NUP50: variants seen among roughly 807,000 people sequenced by gnomAD.
The protein encoded by NUP50 is nuclear pore complex protein Nup50.
Under a neutral mutation model 36.8 loss-of-function variants are expected in NUP50, and 14 were observed. The ratio of observed to expected loss-of-function variants is 0.38; its 90% CI spans 0.25 to 0.59. NUP50 has a LOEUF of 0.59. Among genes scored for constraint, NUP50 ranks in the 20% least tolerant of loss-of-function variants. The pLI, the probability that NUP50 is intolerant of heterozygous loss-of-function variation, is 0.63. For missense variants in NUP50, 455 were observed against 564.6 expected (o/e 0.81, Z 1.97); for synonymous variants, 195 against 210.8 (o/e 0.93, Z 0.65).
intron 6 of NUP50, among the ~76,000 whole-genome samples, chr22:45,182,623 G>GTTTTT (rs550478534): frequency 0.024 from 2,258 of 95,830 alleles, 208 homozygotes; most frequent in African/African-American, 0.048. Context: ...CTTGAGGTTT[G>GTTTTT]TTTTTTTTTT....
rs2074454331 is a variant in NUP50 at position 45,185,434 on chromosome 22, C to T, written c.*779C>T. On this transcript the variant is annotated 3_prime_UTR_variant, in exon 8 of 8. Coordinates refer to ENST00000347635, the MANE Select transcript of NUP50 (RefSeq NM_007172.4). ...AAGCACAAATGTGGTAGCTTATCAT[C>T]TACACCATGGAGAGTGAACCCTTAC... The T allele has an allele frequency of 6.6e-6, 1 of 152,442 alleles. No individual in the cohort carries two copies. Among genetic ancestry groups the T allele is most frequent in the African/African-American group, 2.4e-5 (1 of 41,412 alleles). The allele number at this position is 152,442 out of a possible 1,614,324, so 9.4% of individuals were successfully genotyped here.
Position 45,185,683 on chromosome 22 carries a change from A to G in NUP50, c.*1028A>G, listed in dbSNP as rs1019361277. ...ACCGCAGTATATTATAATACATTTG[A>G]TATCTGAAATATCTTTACTTTTTTA... is the stretch of plus-strand genomic sequence containing the variant. On this transcript the variant is annotated 3_prime_UTR_variant, in exon 8 of 8. Transcript: ENST00000347635. The G allele has an allele frequency of 6.6e-6, 1 of 152,146 alleles. No homozygotes were observed. The highest frequency in any genetic ancestry group is 1.5e-5 in the Non-Finnish European group (1 of 68,028). The allele number at this position is 152,146 out of a possible 1,614,324, so 9.4% of individuals were successfully genotyped here.
chr22:45,170,421 A>T (rs2074171781), intron 2 of NUP50, among the ~76,000 whole-genome samples: 1 of 152,242 alleles, frequency 6.6e-6, no homozygotes, highest in Non-Finnish European at 1.5e-5. Context: ...TGACTAAGGA[A>T]ATCTGTAACC....
At chr22:45,168,898 A>ATTTTTTTTTTTTTT (rs34675932) in intron 2 of NUP50, among the ~76,000 whole-genome samples, 1 of 132,010 alleles carries the variant, frequency 7.6e-6, no homozygotes. Context: ...TATAAAAAAA[A>ATTTTTTTTTTTTTT]TTTTTTTTTT....
chr22:45,171,514 C>T (rs950863292), intron 2 of NUP50, 86 bp from the exon 3 acceptor site: 4 of 1,251,224 alleles, frequency 3.2e-6, no homozygotes, highest in Non-Finnish European at 4.7e-6. Flanking sequence ...GACACAGTGG[C>T]TCAGTTCTAG....
chr22:45,183,654 T>A, intron 7 of NUP50, 134 bp downstream of exon 7: 2 of 663,828 alleles, frequency 3.0e-6, no homozygotes, highest in Non-Finnish European at 5.5e-6. Context: ...TATTTACTTA[T>A]TTATAGTTTT....
At chr22:45,164,568 C>A (rs533886412) in intron 1 of NUP50, 99 of 126,606 alleles carry the variant, frequency 7.8e-4, no homozygotes, top group African/African-American at 2.8e-3. Context: ...GGCTAGAGGT[C>A]GGGACTCTAG....
intron 3 of NUP50, among the ~76,000 whole-genome samples, chr22:45,174,171 T>C (rs538348278): frequency 7.3e-6 from 1 of 136,128 alleles, no homozygotes; most frequent in Non-Finnish European, 1.5e-5. Flanking sequence ...GGAGCCCACA[T>C]GGGTATTTTC....
In NUP50 at chr22:45,168,714, A is replaced by G. The variant is rs144437892; in HGVS notation, c.69+468A>G. ...CTAATGCTTCTTGGAGGCCTGCTTTATTTCCTTTTCTTAATGGTAGACCTG... is the reference window on the plus strand; with the variant it reads ...CTAATGCTTCTTGGAGGCCTGCTTTGTTTCCTTTTCTTAATGGTAGACCTG... On this transcript the variant is annotated intron_variant, in intron 2 of 7. Coordinates refer to ENST00000347635, the MANE Select transcript of NUP50 (RefSeq NM_007172.4). Among the ~76,000 whole-genome samples the G allele has an allele frequency of 5.5e-3, 839 of 151,960 alleles. 4 individuals carry two copies. Among genetic ancestry groups the G allele is most frequent in the Non-Finnish European group, 8.8e-3 (597 of 67,958 alleles).
Position 45,178,816 on chromosome 22 carries a change from A to G in NUP50, c.919A>G (p.Thr307Ala), listed in dbSNP as rs985858689. Reference sequence around the variant, plus strand: ...AAACTCCAGTTTATTTGGCAAAGATACTACCCAGAGTAAACCAGTCTCTTC... The same window carrying G: ...AAACTCCAGTTTATTTGGCAAAGATGCTACCCAGAGTAAACCAGTCTCTTC... ...PGNSSLFGKD[T>A]TQSKPVSSPF... Residue 307 changes from threonine (T) to alanine (A), a missense_variant, in exon 5 of 8, where the codon ACT becomes GCT. By Grantham distance (58) the Thr-to-Ala change is moderately conservative. Around this residue, in one of 3 missense-constraint regions of NUP50, gnomAD observed 287 missense variants for 345.5 expected, o/e 0.83. Transcript: ENST00000347635. 1 of 1,614,124 alleles carries G rather than the reference A, an allele frequency of 6.2e-7. No individual in the cohort carries two copies. The highest frequency in any genetic ancestry group is 8.5e-7 in the Non-Finnish European group (1 of 1,179,998).
rs2074414965 is a variant in NUP50, at chr22:45,183,504, G to A, written c.1188G>A (p.Arg396=). The change falls in exon 7 of 8, where the codon CGG becomes CGA. Residue 396 remains arginine, a synonymous_variant. Transcript: ENST00000347635. ...ATCAGAAGACACAGCTTTTGGTGCGGGCAGACACCAATTTAGGTGGGTACC... is the reference window on the plus strand; with the variant it reads ...ATCAGAAGACACAGCTTTTGGTGCGAGCAGACACCAATTTAGGTGGGTACC... ...TANQKTQLLV[R]ADTNLGNILL... The A allele has an allele frequency of 1.1e-5, 17 of 1,604,500 alleles. No homozygotes were observed. The highest frequency in any genetic ancestry group is 1.4e-5 in the Non-Finnish European group (16 of 1,171,512).
intron 5 of NUP50, chr22:45,180,398 G>T (rs1265657368): frequency 6.7e-6 from 1 of 149,496 alleles, no homozygotes; most frequent in Non-Finnish European, 1.5e-5. Context: ...TTTGAGACAG[G>T]GTCTCGTTCT....
At chr22:45,171,127 G>C (rs1341251467) in intron 2 of NUP50, 3 of 1,259,460 alleles carry the variant, frequency 2.4e-6, no homozygotes, top group Non-Finnish European at 3.1e-6. Context: ...GTGCCTCCGT[G>C]GCCTTTCGTA....
At chr22:45,179,587 A>G (rs226522) in intron 5 of NUP50, among the ~76,000 whole-genome samples, 31,330 of 152,122 alleles carry the variant, frequency 0.21, 3,821 homozygotes, top group East Asian at 0.57. Context: ...ACCTACTTCT[A>G]AGCAGTTGAA....
At chr22:45,177,924 C>G in intron 4 of NUP50, 1 of 292,842 alleles carries the variant, frequency 3.4e-6, no homozygotes, top group Middle Eastern at 1.2e-3. Flanking sequence ...GTCAGGAGTT[C>G]AAGACCAGCC....
Position 45,179,035 on chromosome 22 carries a change from G to A in NUP50, c.1003+135G>A, listed in dbSNP as rs975207806. ...TTCTCTCCATGTGTGATCTCAGACA[G>A]AGCTAATCAGCTTCTCTGAGTTTCA... On this transcript the variant is annotated intron_variant, in intron 5 of 7. Transcript: ENST00000347635. The A allele has an allele frequency of 9.0e-6, 7 of 774,102 alleles. No individual in the cohort carries two copies. In the African/African-American group the frequency reaches 1.2e-4, roughly 14 times the overall value. The allele number at this position is 774,102 out of a possible 1,614,324, so 48.0% of individuals were successfully genotyped here. A position where few individuals can be genotyped will look rare whatever the true frequency, so the allele number is the denominator to read the frequency against.
Position 45,176,032 on chromosome 22 carries a change from C to G in NUP50, c.292C>G (p.Pro98Ala). 1.2e-6 allele frequency: 2 copies of G among 1,614,100 alleles called. No homozygotes were observed. The highest frequency in any genetic ancestry group is 1.7e-6 in the Non-Finnish European group (2 of 1,180,008). Residue 98 changes from proline (P) to alanine (A), a missense_variant, in exon 4 of 8, where the codon CCT becomes GCT. Physicochemically the swap from Pro to Ala is conservative, Grantham distance 27. This residue lies in a region of NUP50 where 166 missense variants were observed against 202.8 expected (regional missense o/e 0.82). Transcript: ENST00000347635. ...LSNGNNITSA[P>A]PFASAKAAAD... ...GAATGGAAACAACATAACCAGTGCC[C>G]CTCCCTTCGCCAGTGCAAAGGCAGC...
rs397798595 is a variant in NUP50 at position 45,185,865 on chromosome 22, T to TTA, written c.*1210_*1211insTA. On this transcript the variant is annotated 3_prime_UTR_variant, in exon 8 of 8. Coordinates refer to ENST00000347635, the MANE Select transcript of NUP50 (RefSeq NM_007172.4). ...CAGAATTGAATGTTTAAATTTCCAC[T>TTA]GAGTCCTCATGAATCATTTGAGACT... 8.9e-5 allele frequency: 1 copy of TTA among 11,264 alleles called. No homozygotes were observed. Among genetic ancestry groups the TTA allele is most frequent in the East Asian group, 0.25 (1 of 4 alleles). 0.7% of individuals were successfully genotyped at this position (11,264 alleles called of 1,614,324 possible).
At chr22:45,179,807 T>C (rs2074337365) in intron 5 of NUP50, among the ~76,000 whole-genome samples, 1 of 152,010 alleles carries the variant, frequency 6.6e-6, no homozygotes, top group Non-Finnish European at 1.5e-5. Context: ...TATCTCGAGC[T>C]CAGAAGTTCA....
Sources: allele counts gnomAD v4.1 joint callset (sites outside exome capture counted in the v4.1 genomes callset), GRCh38; gene constraint gnomAD v4.1.1; regional missense constraint gnomAD v4.1.1; transcripts MANE v1.5; gene names NCBI Gene and HGNC (gene_info 2026-07-23, HGNC 2026-07-21).